Variants in ULK4 observed in about 807,000 individuals in gnomAD.
ULK4 encodes the protein unc-51 like kinase 4, also known as inactive serine/threonine-protein kinase ULK4.
A neutral mutation model predicts 160.6 loss-of-function variants in ULK4; 133 were observed. The observed-to-expected ratio is 0.83, with a 90% CI of 0.72 to 0.96. ULK4 has a LOEUF of 0.96. Among genes scored for constraint, ULK4 ranks in the 40% least tolerant of loss-of-function variants. ULK4 has a pLI of 0.00. For missense variants in ULK4, 1,580 were observed against 1,499.5 expected, an observed-to-expected ratio of 1.05 and a Z score of -0.89; for synonymous variants, 534 against 539.8, an observed-to-expected ratio of 0.99 and a Z score of 0.15.
chr3:41,892,212 A>C (rs1343867268), intron 16 of ULK4, among the ~76,000 whole-genome samples: 1 of 152,238 alleles, frequency 6.6e-6, no homozygotes, highest in Non-Finnish European at 1.5e-5. Context: ...AACAACATAA[A>C]ACTCAGTTCA....
intron 21 of ULK4, among the ~76,000 whole-genome samples, chr3:41,765,262 C>T (rs554327676): frequency 3.3e-5 from 5 of 152,180 alleles, no homozygotes; most frequent in Middle Eastern, 3.4e-3. Context: ...TTTGTAGGGA[C>T]ATGGATGAAG....
chr3:41,290,812 C>T (rs1349930084), intron 35 of ULK4, among the ~76,000 whole-genome samples: 4 of 152,214 alleles, frequency 2.6e-5, no homozygotes, highest in African/African-American at 9.6e-5. Flanking sequence ...TTCTATGTTC[C>T]TGCCTGTATG....
In ULK4 at chr3:41,380,272, T is replaced by C. The variant is rs181688402; in HGVS notation, c.3678+17807A>G. Among the ~76,000 whole-genome samples the C allele has an allele frequency of 2.8e-3, 421 of 152,280 alleles. 3 individuals are homozygous for C. The highest frequency in any genetic ancestry group is 9.5e-3 in the African/African-American group (396 of 41,564). On this transcript the variant is annotated intron_variant, in intron 35 of 36. Coordinates refer to ENST00000301831, the MANE Select transcript of ULK4 (RefSeq NM_017886.4). ...ATGGAAAACTGAGGAAGATCTTACA[T>C]AGTTTTACAAAAAGAGACTCATTTT...
At chr3:41,925,941 C>A (rs1055042450) in intron 5 of ULK4, among the ~76,000 whole-genome samples, 4 of 152,202 alleles carry the variant, frequency 2.6e-5, no homozygotes, top group African/African-American at 7.2e-5. Context: ...ACTTAAACGT[C>A]CCTGCCTGAT....
chr3:41,644,185 T>A (rs60539365), intron 30 of ULK4, among the ~76,000 whole-genome samples: 9,105 of 152,134 alleles, frequency 0.06, 925 homozygotes, highest in African/African-American at 0.21. Context: ...ACCCTTTATT[T>A]CCTTCTCCTG....
At chr3:41,501,279 C>T (rs1048289409) in intron 32 of ULK4, among the ~76,000 whole-genome samples, 1 of 152,132 alleles carries the variant, frequency 6.6e-6, no homozygotes, top group African/African-American at 2.4e-5. Flanking sequence ...GGGCGGATCA[C>T]GAGGTCAGGA....
chr3:41,444,734 C>G (rs2083256768), intron 34 of ULK4, among the ~76,000 whole-genome samples: 1 of 152,042 alleles, frequency 6.6e-6, no homozygotes, highest in Non-Finnish European at 1.5e-5. Flanking sequence ...AATCCCAGCA[C>G]TTTGAAAGGC....
intron 30 of ULK4, among the ~76,000 whole-genome samples, chr3:41,637,266 T>A (rs2033996328): frequency 6.6e-6 from 1 of 152,178 alleles, no homozygotes; most frequent in African/African-American, 2.4e-5. Flanking sequence ...AATTTTTACA[T>A]TCCACATATA....
At chr3:41,432,029 G>A (rs537635245) in intron 34 of ULK4, among the ~76,000 whole-genome samples, 1 of 152,094 alleles carries the variant, frequency 6.6e-6, no homozygotes, top group East Asian at 1.9e-4. Context: ...CTGACCTCGT[G>A]ATCCACCCAC....
chr3:41,368,193 G>A (rs1001251093), intron 35 of ULK4, among the ~76,000 whole-genome samples: 7 of 151,582 alleles, frequency 4.6e-5, no homozygotes, highest in Admixed American at 1.3e-4. Flanking sequence ...CACTACAGGC[G>A]CCCACCACGA....
At chr3:41,649,616 C>G (rs1184948466) in intron 30 of ULK4, among the ~76,000 whole-genome samples, 1 of 152,232 alleles carries the variant, frequency 6.6e-6, no homozygotes, top group Admixed American at 6.5e-5. Context: ...CACCAGCCCC[C>G]TGCTGCCTCA....
intron 18 of ULK4, among the ~76,000 whole-genome samples, chr3:41,821,377 G>A (rs941480363): frequency 6.6e-6 from 1 of 152,054 alleles, no homozygotes; most frequent in Non-Finnish European, 1.5e-5. Flanking sequence ...CACCCTCCCT[G>A]AAAAGGCTAT....
chr3:41,717,082 T>G (rs1575601516), intron 23 of ULK4, among the ~76,000 whole-genome samples: 1 of 152,054 alleles, frequency 6.6e-6, no homozygotes, highest in Admixed American at 6.6e-5. Context: ...AAAAAGTGGG[T>G]CAAAGGGTAT....
At chr3:41,770,553 A>T (rs2039319211) in intron 21 of ULK4, among the ~76,000 whole-genome samples, 1 of 144,968 alleles carries the variant, frequency 6.9e-6, no homozygotes, top group South Asian at 2.2e-4. Flanking sequence ...TCTGTTGCCC[A>T]GGCTGGAGTG....
intron 35 of ULK4, among the ~76,000 whole-genome samples, chr3:41,312,714 G>A (rs2080074823): frequency 6.6e-6 from 1 of 152,012 alleles, no homozygotes; most frequent in Non-Finnish European, 1.5e-5. Flanking sequence ...AGGCTGAGGT[G>A]GAAGGATTAC....
intron 32 of ULK4, among the ~76,000 whole-genome samples, chr3:41,467,881 T>C (rs2083875153): frequency 1.3e-5 from 2 of 152,204 alleles, no homozygotes; most frequent in Admixed American, 6.5e-5. Flanking sequence ...TAGCAGTGCA[T>C]GCATTTTTCA....
At chr3:41,939,002 A>G (rs1272572017) in intron 2 of ULK4, among the ~76,000 whole-genome samples, 2 of 152,208 alleles carry the variant, frequency 1.3e-5, no homozygotes, top group South Asian at 2.1e-4. Context: ...AACTGACAAA[A>G]TATCGTCAAC....
intron 2 of ULK4, among the ~76,000 whole-genome samples, chr3:41,943,616 C>T (rs1283741806): frequency 6.6e-6 from 1 of 152,136 alleles, no homozygotes; most frequent in Non-Finnish European, 1.5e-5. Context: ...CTTTCCTCTC[C>T]TCTCCTACCT....
chr3:41,348,206 C>CAAAAAAA (rs1197234650), intron 35 of ULK4, among the ~76,000 whole-genome samples: 5 of 22,964 alleles, frequency 2.2e-4, no homozygotes, highest in African/African-American at 8.6e-4. Context: ...AACTCTGTCT[C>CAAAAAAA]AAAAAAAAAA....
Sources: allele counts gnomAD v4.1 joint callset (sites outside exome capture counted in the v4.1 genomes callset), GRCh38; gene constraint gnomAD v4.1.1; transcripts MANE v1.5; gene names NCBI Gene and HGNC (gene_info 2026-07-23, HGNC 2026-07-21).